Variants in ATL2 observed in about 807,000 individuals in gnomAD.
The protein encoded by ATL2 is atlastin-2.
ATL2 carries 31 observed loss-of-function variants against 73.9 expected under a neutral mutation model. The ratio of observed to expected loss-of-function variants is 0.42; its 90% CI spans 0.32 to 0.57. The LOEUF is 0.57. Among genes scored for constraint, ATL2 ranks in the 20% least tolerant of loss-of-function variants. The pLI is 0.14. For missense variants in ATL2, 738 were observed against 702.6 expected (o/e 1.05, Z -0.57); for synonymous variants, 291 against 237.5 (o/e 1.23, Z -2.07).
intron 1 of ATL2, chr2:38,376,121 C>T (rs1388685957): frequency 6.6e-7 from 1 of 1,517,416 alleles, no homozygotes; most frequent in East Asian, 2.5e-5. Flanking sequence ...CTTACCAAAT[C>T]GTAGGCTTTT....
intron 1 of ATL2, among the ~76,000 whole-genome samples, chr2:38,372,430 A>T (rs1379416284): frequency 6.6e-6 from 1 of 152,172 alleles, no homozygotes; most frequent in East Asian, 1.9e-4. Flanking sequence ...TGCAAATACT[A>T]TACCATGTTC....
rs530044671 is a variant in ATL2, at chr2:38,306,404, C to T, written c.1071+2975G>A. On this transcript the variant is annotated intron_variant, in intron 9 of 12. Transcript: ENST00000378954. ...AACCAATACTACAAGGCCAGTATTA[C>T]CCTGATACCAAAACCAGACAAAGAC... is the stretch of plus-strand genomic sequence containing the variant. Among the ~76,000 whole-genome samples, 3 of 152,318 alleles carry T rather than the reference C, an allele frequency of 2.0e-5. No homozygotes were observed. In the South Asian group the frequency reaches 6.2e-4, roughly 32 times the overall value.
chr2:38,300,330 TA>T lies in ATL2; in HGVS notation c.1072-3del, dbSNP rs1388994756. 4 of 1,605,268 alleles carry T rather than the reference TA, an allele frequency of 2.5e-6. No individual in the cohort carries two copies. Among genetic ancestry groups the T allele is most frequent in the Non-Finnish European group, 2.6e-6 (3 of 1,172,564 alleles). On this transcript the variant is annotated splice_polypyrimidine_tract_variant and splice_region_variant and intron_variant, in intron 9 of 12. Coordinates refer to ENST00000378954, the MANE Select transcript of ATL2 (RefSeq NM_001135673.4). ...TCCTTGATAGATTTTGATGTAAGCCTAAAAAGGGAGAAGATTTGTTAGACTG... is the reference window on the plus strand; with the variant it reads ...TCCTTGATAGATTTTGATGTAAGCCTAAAAGGGAGAAGATTTGTTAGACTG...
At chr2:38,297,650 T>A (rs1162703455) in intron 12 of ATL2, among the ~76,000 whole-genome samples, 7 of 152,220 alleles carry the variant, frequency 4.6e-5, no homozygotes, top group Non-Finnish European at 5.9e-5. Flanking sequence ...AAGAAATCCC[T>A]ACGGGATTGT....
At chr2:38,319,075 C>T in intron 2 of ATL2, 56 bp from the exon 3 acceptor site, 1 of 1,533,670 alleles carries the variant, frequency 6.5e-7, no homozygotes, top group Non-Finnish European at 8.8e-7. Context: ...TAAAAGAAAC[C>T]AAAAAATCAC....
At chr2:38,302,436 G>A (rs1333798234) in intron 9 of ATL2, among the ~76,000 whole-genome samples, 1 of 152,128 alleles carries the variant, frequency 6.6e-6, no homozygotes, top group East Asian at 1.9e-4. Context: ...GCCACCTGCT[G>A]ATTGTAGAAC....
chr2:38,339,167 G>A (rs1298510258), intron 2 of ATL2, among the ~76,000 whole-genome samples: 1 of 152,130 alleles, frequency 6.6e-6, no homozygotes, highest in Non-Finnish European at 1.5e-5. Context: ...AGTGAGCCGA[G>A]ACTGCGCTAC....
At chr2:38,377,095 C>T (rs774989051) in intron 1 of ATL2, 48 bp downstream of exon 1, 19 of 1,556,778 alleles carry the variant, frequency 1.2e-5, no homozygotes, top group Admixed American at 1.2e-4. Context: ...GAGCAGCGAG[C>T]GTCTCTCCCC....
chr2:38,374,171 C>A (rs2124509055), intron 1 of ATL2, among the ~76,000 whole-genome samples: 1 of 152,294 alleles, frequency 6.6e-6, no homozygotes, highest in South Asian at 2.1e-4. Flanking sequence ...GGATTACAGG[C>A]GTGAGCCACC....
intron 1 of ATL2, among the ~76,000 whole-genome samples, chr2:38,363,353 G>C (rs554576207): frequency 6.2e-4 from 82 of 131,252 alleles, no homozygotes; most frequent in African/African-American, 2.3e-3. Context: ...AAAAATACAA[G>C]TTGTTTATTA....
At chr2:38,375,252 AGTCT>A (rs1573611962) in intron 1 of ATL2, among the ~76,000 whole-genome samples, 1 of 152,340 alleles carries the variant, frequency 6.6e-6, no homozygotes, top group East Asian at 1.9e-4. Context: ...CTTTTCATTC[AGTCT>A]GTTTCTTCTC....
intron 1 of ATL2, among the ~76,000 whole-genome samples, chr2:38,357,529 G>C (rs1030731948): frequency 6.6e-6 from 1 of 150,986 alleles, no homozygotes; most frequent in African/African-American, 2.4e-5. Flanking sequence ...TGGCACACCT[G>C]TAGTCCCAGC....
intron 2 of ATL2, among the ~76,000 whole-genome samples, chr2:38,325,543 C>A (rs1201617207): frequency 2.6e-5 from 4 of 151,752 alleles, no homozygotes; most frequent in African/African-American, 9.7e-5. Context: ...GAAAGTTTCC[C>A]TCATGACTGA....
At chr2:38,327,813 G>A (rs546218778) in intron 2 of ATL2, among the ~76,000 whole-genome samples, 133 of 152,256 alleles carry the variant, frequency 8.7e-4, no homozygotes, top group Admixed American at 1.6e-3. Context: ...GCGGGTGCCT[G>A]TAATCCCAGC....
At chr2:38,342,695 G>C (rs555611099) in intron 2 of ATL2, among the ~76,000 whole-genome samples, 108 of 152,238 alleles carry the variant, frequency 7.1e-4, no homozygotes, top group African/African-American at 2.5e-3. Flanking sequence ...AGGAAAGTGT[G>C]AAGAAGTAAC....
At chr2:38,374,109 T>C (rs1671835348) in intron 1 of ATL2, among the ~76,000 whole-genome samples, 1 of 151,990 alleles carries the variant, frequency 6.6e-6, no homozygotes, top group Non-Finnish European at 1.5e-5. Context: ...CAGGCTGGTC[T>C]CGAACTCCTG....
At chr2:38,313,369 T>C (rs2148426556) in intron 6 of ATL2, 126 bp from the exon 7 acceptor site, 1 of 684,134 alleles carries the variant, frequency 1.5e-6, no homozygotes, top group Non-Finnish European at 2.4e-6. Flanking sequence ...TTATAGTAAC[T>C]AAATGGTCAG....
intron 9 of ATL2, among the ~76,000 whole-genome samples, chr2:38,308,465 GTC>G (rs1304393529): frequency 6.6e-6 from 1 of 152,142 alleles, no homozygotes; most frequent in Non-Finnish European, 1.5e-5. Flanking sequence ...AGGAAAGGTA[GTC>G]AGAGGGTGGA....
chr2:38,307,137 C>T (rs1667491323), intron 9 of ATL2, among the ~76,000 whole-genome samples: 2 of 152,104 alleles, frequency 1.3e-5, no homozygotes, highest in African/African-American at 4.8e-5. Context: ...GCAGGCAGAT[C>T]ACCTGAGATC....
Sources: gnomAD v4.1 joint callset for allele counts (sites outside exome capture counted in the v4.1 genomes callset) on GRCh38, gnomAD v4.1.1 for gene constraint, MANE v1.5 for transcripts, NCBI Gene and HGNC (gene_info 2026-07-23, HGNC 2026-07-21) for gene names.